NDST3: variants seen among roughly 807,000 people sequenced by gnomAD.
The protein encoded by NDST3 is bifunctional heparan sulfate N-deacetylase/N-sulfotransferase 3.
Under a neutral mutation model 96.1 loss-of-function variants are expected in NDST3, and 58 were observed. The observed-to-expected ratio is 0.60, with a 90% CI of 0.49 to 0.75. The LOEUF (loss-of-function observed/expected upper bound fraction) is 0.75, where lower values mean the gene tolerates loss of function less well. Among genes scored for constraint, NDST3 ranks in the 30% least tolerant of loss-of-function variants. NDST3 has a pLI of 0.00. For missense variants in NDST3, 788 were observed against 1,034.2 expected (o/e 0.76, Z 3.27); for synonymous variants, 333 against 359.7 (o/e 0.93, Z 0.84).
At chr4:118,117,872 G>A (rs1278979028) in intron 4 of NDST3, among the ~76,000 whole-genome samples, 3 of 152,144 alleles carry the variant, frequency 2.0e-5, no homozygotes, top group African/African-American at 7.2e-5. Flanking sequence ...GGTAATCCAA[G>A]GGAATATCTG....
chr4:118,232,228 T>A (rs1213848836), intron 8 of NDST3, among the ~76,000 whole-genome samples: 2 of 152,272 alleles, frequency 1.3e-5, no homozygotes, highest in African/African-American at 4.8e-5. Context: ...AATAATAATA[T>A]ATTTCATTTA....
intron 6 of NDST3, among the ~76,000 whole-genome samples, chr4:118,159,270 A>G (rs1466301598): frequency 2.0e-5 from 3 of 152,210 alleles, no homozygotes; most frequent in Admixed American, 6.5e-5. Context: ...ACAGCTTGGC[A>G]GCTTATAGCA....
At chr4:118,242,221 C>T in intron 12 of NDST3, 72 bp downstream of exon 12, 1 of 1,002,986 alleles carries the variant, frequency 1.0e-6, no homozygotes, top group South Asian at 1.5e-5. Flanking sequence ...GCAGTTTGGT[C>T]ATACAACTGT....
At position 118,039,088 on chromosome 4, in the gene NDST3, T is replaced by C. The variant is rs2389496; in HGVS notation, c.-156+4496T>C. Reference sequence around the variant, plus strand: ...TCTGCCTTTTGTTAATGGTAAATAATTAATGGTTAATATTTGCTTGGTGGA... The same window carrying C: ...TCTGCCTTTTGTTAATGGTAAATAACTAATGGTTAATATTTGCTTGGTGGA... On this transcript the variant is annotated intron_variant, in intron 1 of 13. Coordinates refer to ENST00000296499, the MANE Select transcript of NDST3 (RefSeq NM_004784.3). 4.1e-3 allele frequency among the ~76,000 whole-genome samples: 620 copies of C among 152,342 alleles called. 5 individuals are homozygous for C. The highest frequency in any genetic ancestry group is 8.2e-3 in the African/African-American group (343 of 41,586).
intron 6 of NDST3, among the ~76,000 whole-genome samples, chr4:118,178,875 T>G (rs951631189): frequency 1.3e-5 from 2 of 152,074 alleles, no homozygotes; most frequent in African/African-American, 4.8e-5. Context: ...CTAGCTATCC[T>G]AATAAGTTTG....
At chr4:118,251,130 A>AT (rs35077679) in intron 12 of NDST3, among the ~76,000 whole-genome samples, 44,807 of 125,946 alleles carry the variant, frequency 0.36, 9,366 homozygotes, top group East Asian at 0.54. Context: ...TTTTTATTTT[A>AT]TTTTTTTTTT....
chr4:118,176,615 T>C (rs1736296168), intron 6 of NDST3, among the ~76,000 whole-genome samples: 2 of 152,190 alleles, frequency 1.3e-5, no homozygotes, highest in South Asian at 4.1e-4. Context: ...CATAATGATA[T>C]AGAGAAATAA....
In NDST3 at chr4:118,192,253, A is replaced by T. The variant is rs369655296; in HGVS notation, c.1540-32238A>T. On this transcript the variant is annotated intron_variant, in intron 6 of 13. Coordinates refer to ENST00000296499, the MANE Select transcript of NDST3 (RefSeq NM_004784.3). ...TGTGGGTAGTCTCTTCACTTTGTTG[A>T]TTGTTTCCTTCACTGTGCAGAAGCT... Among the ~76,000 whole-genome samples the T allele has an allele frequency of 5.3e-5, 8 of 152,080 alleles. No individual in the cohort carries two copies. The East Asian group carries it at 1.5e-3, about 29-fold the overall frequency.
chr4:118,148,396 C>T (rs1026326273), intron 6 of NDST3, among the ~76,000 whole-genome samples: 3 of 152,192 alleles, frequency 2.0e-5, no homozygotes, highest in African/African-American at 7.2e-5. Flanking sequence ...AACCATTAAC[C>T]ATCCCACAGA....
intron 6 of NDST3, among the ~76,000 whole-genome samples, chr4:118,157,405 A>AT (rs1734784000): frequency 6.8e-6 from 1 of 146,800 alleles, no homozygotes; most frequent in South Asian, 2.2e-4. Context: ...CACTACGTAC[A>AT]TTTTTTACAC....
At chr4:118,183,027 C>A (rs1736703729) in intron 6 of NDST3, among the ~76,000 whole-genome samples, 1 of 152,130 alleles carries the variant, frequency 6.6e-6, no homozygotes, top group Admixed American at 6.6e-5. Flanking sequence ...AACAAACAAA[C>A]AAACAATCAC....
intron 6 of NDST3, among the ~76,000 whole-genome samples, chr4:118,210,774 CAAAA>C (rs34418586): frequency 1.2e-5 from 1 of 86,592 alleles, no homozygotes; most frequent in Admixed American, 1.2e-4. Context: ...GACTCCATCT[CAAAA>C]AAAAAAAAAA....
At chr4:118,193,723 C>T (rs997358266) in intron 6 of NDST3, 9 of 1,338,064 alleles carry the variant, frequency 6.7e-6, no homozygotes, top group South Asian at 1.2e-5. Context: ...AGAGGCCCTT[C>T]TCGTTGTTGC....
intron 2 of NDST3, among the ~76,000 whole-genome samples, chr4:118,079,484 T>C (rs1432428281): frequency 2.0e-5 from 3 of 152,128 alleles, no homozygotes; most frequent in African/African-American, 7.2e-5. Context: ...ACAGGCCCTA[T>C]TATGAAACAA....
rs1029495292 is a variant in NDST3 at position 118,253,608 on chromosome 4, A to C, written c.2502+7A>C. The C allele has an allele frequency of 5.7e-6, 9 of 1,566,864 alleles. No homozygotes were observed. The highest frequency in any genetic ancestry group is 1.4e-5 in the African/African-American group (1 of 73,470). The stretch of plus-strand genomic sequence containing the variant: ...CCCTCCAATGGATTCTGATGTAAGC[A>C]TAGACCTTAAAAATACAAACTAAAT... On this transcript the variant is annotated splice_region_variant and intron_variant, in intron 13 of 13. Coordinates refer to ENST00000296499, the MANE Select transcript of NDST3 (RefSeq NM_004784.3).
intron 4 of NDST3, among the ~76,000 whole-genome samples, chr4:118,125,264 G>T (rs1390027139): frequency 6.6e-6 from 1 of 152,042 alleles, no homozygotes; most frequent in Admixed American, 6.6e-5. Flanking sequence ...AGAGTTAGGA[G>T]TTATCTCCCA....
chr4:118,224,964 T>C (rs1454550770), intron 7 of NDST3, among the ~76,000 whole-genome samples: 1 of 152,098 alleles, frequency 6.6e-6, no homozygotes, highest in Non-Finnish European at 1.5e-5. Context: ...CAGGTTGCAA[T>C]AGGCTGGAAG....
chr4:118,042,003 C>G (rs1393445321), intron 1 of NDST3, among the ~76,000 whole-genome samples: 1 of 152,170 alleles, frequency 6.6e-6, no homozygotes, highest in Non-Finnish European at 1.5e-5. Flanking sequence ...AAAGGCTTCC[C>G]TGAGGAATTG....
chr4:118,146,826 A>G (rs1422284158), intron 6 of NDST3, among the ~76,000 whole-genome samples: 2 of 152,132 alleles, frequency 1.3e-5, no homozygotes, highest in African/African-American at 4.8e-5. Context: ...GGGGAGGTGG[A>G]CCTAGCAGGC....
Sources: allele counts gnomAD v4.1 joint callset (sites outside exome capture counted in the v4.1 genomes callset), GRCh38; gene constraint gnomAD v4.1.1; transcripts MANE v1.5; gene names NCBI Gene and HGNC (gene_info 2026-07-23, HGNC 2026-07-21).